The following EPSTI1 variants were observed in gnomAD, a reference collection of about 807,000 sequenced individuals.
EPSTI1 encodes epithelial-stromal interaction protein 1.
A neutral mutation model predicts 49.9 loss-of-function variants in EPSTI1; 66 were observed. That is an observed-to-expected ratio of 1.32 (90% confidence interval 1.08 to 1.62). EPSTI1 has a LOEUF of 1.62. Among genes scored for constraint, EPSTI1 ranks in the 40% most tolerant of loss-of-function variants. EPSTI1 has a pLI of 0.00. For synonymous variants in EPSTI1, 137 were observed against 130.7 expected (o/e 1.05, Z -0.33); for missense variants, 394 against 365.5 (o/e 1.08, Z -0.64).
intron 1 of EPSTI1, among the ~76,000 whole-genome samples, chr13:42,978,241 G>A (rs1440545273): frequency 6.6e-6 from 1 of 152,030 alleles, no homozygotes; most frequent in Non-Finnish European, 1.5e-5. Context: ...TGGTCTAGGT[G>A]GTCAGAGTAC....
chr13:42,984,179 C>T (rs749647846), intron 1 of EPSTI1, among the ~76,000 whole-genome samples: 7 of 152,152 alleles, frequency 4.6e-5, no homozygotes, highest in Non-Finnish European at 7.4e-5. Flanking sequence ...TTACTCATTA[C>T]AATCAATCAC....
At chr13:42,914,042 G>A (rs763369932) in intron 8 of EPSTI1, among the ~76,000 whole-genome samples, 14 of 152,096 alleles carry the variant, frequency 9.2e-5, no homozygotes, top group Non-Finnish European at 1.2e-4. Flanking sequence ...GGCCTCCCCA[G>A]CCATGTTTTC....
intron 6 of EPSTI1, among the ~76,000 whole-genome samples, chr13:42,948,461 T>TG (rs2038991300): frequency 2.6e-5 from 2 of 78,228 alleles, no homozygotes; most frequent in African/African-American, 1.1e-4. Context: ...TTGTTTTTTG[T>TG]GTTTTTTTTT....
At chr13:42,902,989 A>G (rs2037402417) in intron 8 of EPSTI1, among the ~76,000 whole-genome samples, 1 of 152,214 alleles carries the variant, frequency 6.6e-6, no homozygotes, top group African/African-American at 2.4e-5. Context: ...TTAGCAGAAT[A>G]TATATAACCT....
In EPSTI1 at chr13:42,904,730, T is replaced by C. The variant is rs531440195; in HGVS notation, c.742-4347A>G. On this transcript the variant is annotated intron_variant, in intron 8 of 10. Transcript: ENST00000313624. Reference sequence around the variant, plus strand: ...TTTTGTAAGGTAGAGCAGGGGCCTATGGAGAGATCTCTAAGATACATTAAG... The same window carrying C: ...TTTTGTAAGGTAGAGCAGGGGCCTACGGAGAGATCTCTAAGATACATTAAG... Among the ~76,000 whole-genome samples, 17 of 152,296 alleles carry C rather than the reference T, an allele frequency of 1.1e-4. 1 individual carries two copies. Among genetic ancestry groups the C allele is most frequent in the African/African-American group, 4.1e-4 (17 of 41,564 alleles).
At chr13:42,913,694 G>A (rs1336367016) in intron 8 of EPSTI1, among the ~76,000 whole-genome samples, 1 of 152,232 alleles carries the variant, frequency 6.6e-6, no homozygotes, top group Non-Finnish European at 1.5e-5. Flanking sequence ...AATCAGAGCT[G>A]TAGAGAAGCA....
At chr13:42,907,000 C>G (rs1566105514) in intron 8 of EPSTI1, among the ~76,000 whole-genome samples, 1 of 152,108 alleles carries the variant, frequency 6.6e-6, no homozygotes, top group East Asian at 1.9e-4. Flanking sequence ...ATTCCAAAGC[C>G]TCTTATCTAG....
intron 6 of EPSTI1, among the ~76,000 whole-genome samples, chr13:42,926,635 A>C (rs998612773): frequency 6.6e-6 from 1 of 152,230 alleles, no homozygotes; most frequent in Non-Finnish European, 1.5e-5. Context: ...CAATATTACA[A>C]AATTATAAAA....
intron 8 of EPSTI1, among the ~76,000 whole-genome samples, chr13:42,902,195 C>T (rs1415144601): frequency 6.6e-6 from 1 of 151,984 alleles, no homozygotes; most frequent in East Asian, 1.9e-4. Context: ...ATCCCAACTT[C>T]CTCTCATAGT....
At chr13:42,891,036 A>T (rs1019229300) in intron 10 of EPSTI1, among the ~76,000 whole-genome samples, 1 of 152,160 alleles carries the variant, frequency 6.6e-6, no homozygotes, top group African/African-American at 2.4e-5. Flanking sequence ...GAGGTGAATT[A>T]TCTCAGTAGG....
chr13:42,891,369 G>C lies in EPSTI1; in HGVS notation c.916-2867C>G, dbSNP rs547697727. Reference sequence around the variant, plus strand: ...TATAGGCCTGGTCTTCGTTTAATGGGAAGACAGTAAGACATAGATGTTGAT... The same window carrying C: ...TATAGGCCTGGTCTTCGTTTAATGGCAAGACAGTAAGACATAGATGTTGAT... On this transcript the variant is annotated intron_variant, in intron 10 of 10. Transcript: ENST00000313624. Among the ~76,000 whole-genome samples, 3 of 152,304 alleles carry C rather than the reference G, an allele frequency of 2.0e-5. No homozygotes were observed. The East Asian group carries it at 5.8e-4, about 29-fold the overall frequency.
intron 6 of EPSTI1, among the ~76,000 whole-genome samples, chr13:42,945,670 G>C (rs2038897521): frequency 6.6e-6 from 1 of 152,198 alleles, no homozygotes; most frequent in South Asian, 2.1e-4. Context: ...CACTGCAGTA[G>C]TCCAGGGGGT....
intron 3 of EPSTI1, among the ~76,000 whole-genome samples, chr13:42,967,911 C>T (rs2039664659): frequency 6.6e-6 from 1 of 152,190 alleles, no homozygotes; most frequent in African/African-American, 2.4e-5. Context: ...GTTCTACTTG[C>T]TGGATTCCTA....
Position 42,904,822 on chromosome 13 carries a change from C to T in EPSTI1, c.742-4439G>A, listed in dbSNP as rs1262352972. Reference sequence around the variant, plus strand: ...TATATAAATAGAAAATATATACATACATTCATTTTGACTTTTATATGCTGA... The same window carrying T: ...TATATAAATAGAAAATATATACATATATTCATTTTGACTTTTATATGCTGA... On this transcript the variant is annotated intron_variant, in intron 8 of 10. Coordinates refer to ENST00000313624, the MANE Select transcript of EPSTI1 (RefSeq NM_033255.5). Among the ~76,000 whole-genome samples the T allele has an allele frequency of 1.3e-5, 2 of 152,106 alleles. 1 individual carries two copies. The highest frequency in any genetic ancestry group is 2.9e-5 in the Non-Finnish European group (2 of 67,998).
At chr13:42,973,519 C>T (rs2039812801) in intron 1 of EPSTI1, among the ~76,000 whole-genome samples, 1 of 152,128 alleles carries the variant, frequency 6.6e-6, no homozygotes, top group Non-Finnish European at 1.5e-5. Context: ...AGGAACTTAG[C>T]TTCTATTTCT....
chr13:42,901,590 T>C (rs2037353975), intron 8 of EPSTI1, among the ~76,000 whole-genome samples: 1 of 152,186 alleles, frequency 6.6e-6, no homozygotes. Context: ...TCTTGCACAA[T>C]AGGATCATTT....
chr13:42,906,072 A>G (rs1190416816), intron 8 of EPSTI1, among the ~76,000 whole-genome samples: 1 of 152,236 alleles, frequency 6.6e-6, no homozygotes, highest in Non-Finnish European at 1.5e-5. Context: ...AAATAGCGCC[A>G]CTGCCTGTGG....
At chr13:42,917,116 T>G (rs2037851492) in intron 8 of EPSTI1, among the ~76,000 whole-genome samples, 1 of 152,214 alleles carries the variant, frequency 6.6e-6, no homozygotes, top group South Asian at 2.1e-4. Flanking sequence ...GTATAACTAT[T>G]TTTAGTGAAC....
chr13:42,938,892 G>A (rs187319781), intron 6 of EPSTI1, among the ~76,000 whole-genome samples: 1 of 97,112 alleles, frequency 1.0e-5, no homozygotes, highest in Non-Finnish European at 1.9e-5. Flanking sequence ...TCCAGCCTGG[G>A]AGACAGAGCA....
Sources: gnomAD v4.1 joint callset for allele counts (sites outside exome capture counted in the v4.1 genomes callset) on GRCh38, gnomAD v4.1.1 for gene constraint, MANE v1.5 for transcripts, NCBI Gene and HGNC (gene_info 2026-07-23, HGNC 2026-07-21) for gene names.